Variants in LYPD8 observed in about 807,000 individuals in gnomAD.
LYPD8 encodes ly6/PLAUR domain-containing protein 8.
Under a neutral mutation model 1.7 loss-of-function variants are expected in LYPD8, and 8 were observed. That is an observed-to-expected ratio of 4.58 (90% confidence interval 2.69 to 8.27). The LOEUF is 8.27. LYPD8 is among the 30% of genes most tolerant of loss of function. The pLI is 0.00. For synonymous variants in LYPD8, 50 were observed against 43.6 expected (o/e 1.15, Z -0.58); for missense variants, 112 against 102.3 (o/e 1.09, Z -0.41).
At chr1:248,742,822 T>C (rs1419098708) in intron 6 of LYPD8, among the ~76,000 whole-genome samples, 5 of 93,694 alleles carry the variant, frequency 5.3e-5, no homozygotes, top group South Asian at 4.4e-4. Context: ...AGGGAGATTA[T>C]GCTCTGGTGG....
chr1:248,742,672 G>A (rs1199280211), intron 6 of LYPD8, among the ~76,000 whole-genome samples: 2 of 82,936 alleles, frequency 2.4e-5, no homozygotes, highest in African/African-American at 5.3e-5. Context: ...GTTGGCAGCC[G>A]GGGAGATTAC....
At chr1:248,749,099 A>G (rs1662756070) in intron 4 of LYPD8, among the ~76,000 whole-genome samples, 1 of 152,210 alleles carries the variant, frequency 6.6e-6, no homozygotes, top group African/African-American at 2.4e-5. Flanking sequence ...CAGGAGAGCA[A>G]GTTATATGAA....
rs961591140 is a variant in LYPD8, at chr1:248,745,243, C to T, written c.374G>A (p.Cys125Tyr). Reference sequence around the variant, plus strand: ...TCCATTAGATTCATAACAAGCAGGGCACTCTGCGTTGCTGGACACGTTCTT... The same window carrying T: ...TCCATTAGATTCATAACAAGCAGGGTACTCTGCGTTGCTGGACACGTTCTT... ...PLKNVSSNAE[C>Y]PACYESNGTS... Residue 125 changes from cysteine to tyrosine, a missense_variant, in exon 6 of 7, where the codon TGC becomes TAC. Transcript: ENST00000590317. 1 of 398,612 alleles carries T rather than the reference C, an allele frequency of 2.5e-6. No individual in the cohort carries two copies. The highest frequency in any genetic ancestry group is 4.4e-6 in the Non-Finnish European group (1 of 226,072). The allele number at this position is 398,612 out of a possible 1,614,324, so 24.7% of individuals were successfully genotyped here.
intron 6 of LYPD8, 31 bp downstream of exon 6, chr1:248,745,111 C>T (rs999467170): frequency 6.3e-5 from 25 of 398,364 alleles, no homozygotes; most frequent in African/African-American, 4.3e-4. Flanking sequence ...CAGCCCAAGT[C>T]CCATAGAGGA....
chr1:248,741,042 G>C (rs1662586901), intron 6 of LYPD8, among the ~76,000 whole-genome samples: 1 of 152,234 alleles, frequency 6.6e-6, no homozygotes, highest in African/African-American at 2.4e-5. Flanking sequence ...TGAGCCAGGA[G>C]TTCGAGGCAG....
rs1301753942 is a variant in LYPD8, at chr1:248,755,331, A to T, written c.-142T>A. The T allele has an allele frequency of 6.6e-6, 1 of 152,216 alleles. No homozygotes were observed. Among genetic ancestry groups the T allele is most frequent in the African/African-American group, 2.4e-5 (1 of 41,442 alleles). The allele number at this position is 152,216 out of a possible 1,614,324, so 9.4% of individuals were successfully genotyped here. A position where few individuals can be genotyped will look rare whatever the true frequency, so the allele number is the denominator to read the frequency against. On this transcript the variant is annotated 5_prime_UTR_variant, in exon 2 of 7. Transcript: ENST00000590317. ...TGCGGAATCTTTTCGACAGCCTGGC[A>T]GGGTCCTGCTATAATTGCTGTCATC...
At chr1:248,749,878 T>C (rs1450426823) in intron 4 of LYPD8, among the ~76,000 whole-genome samples, 1 of 152,000 alleles carries the variant, frequency 6.6e-6, no homozygotes, top group Non-Finnish European at 1.5e-5. Context: ...CATGTATATT[T>C]ATATAATGTT....
chr1:248,749,474 T>G (rs1662761737), intron 4 of LYPD8, among the ~76,000 whole-genome samples: 1 of 152,214 alleles, frequency 6.6e-6, no homozygotes, highest in African/African-American at 2.4e-5. Flanking sequence ...ATTTATTATT[T>G]ACAGTACTAG....
chr1:248,752,829 ACAC>A (rs2103172764), intron 2 of LYPD8, among the ~76,000 whole-genome samples: 1 of 94,982 alleles, frequency 1.1e-5, no homozygotes, highest in Non-Finnish European at 2.0e-5. Flanking sequence ...CACATCACAC[ACAC>A]CACACCCCAC....
chr1:248,739,531 A>T lies in LYPD8; in HGVS notation c.*80T>A. On this transcript the variant is annotated 3_prime_UTR_variant, in exon 7 of 7. Transcript: ENST00000590317. The surrounding 1 kb of genome is among the most constrained non-coding windows in gnomAD (Gnocchi z 4.3). Reference sequence around the variant, plus strand: ...GTTAAACGGGGCAGAGCAGGGAAAGAGGGTGTCAGCACCGCAGGGGGTGCT... The same window carrying T: ...GTTAAACGGGGCAGAGCAGGGAAAGTGGGTGTCAGCACCGCAGGGGGTGCT... 1.3e-6 allele frequency: 2 copies of T among 1,535,762 alleles called. No homozygotes were observed. Among genetic ancestry groups the T allele is most frequent in the Non-Finnish European group, 1.8e-6 (2 of 1,138,170 alleles).
At chr1:248,753,214 ACACC>A (rs1662854581) in intron 2 of LYPD8, among the ~76,000 whole-genome samples, 1 of 100,012 alleles carries the variant, frequency 1.0e-5, no homozygotes. Flanking sequence ...CACAACACAC[ACACC>A]ACACCACACA....
In LYPD8 at chr1:248,739,668, T is replaced by C; in HGVS notation, c.657A>G (p.Lys219=). The C allele has an allele frequency of 6.4e-7, 1 of 1,551,592 alleles. No homozygotes were observed. Among genetic ancestry groups the C allele is most frequent in the African/African-American group, 1.4e-5 (1 of 73,122 alleles). Residue 219 remains lysine, a synonymous_variant, in exon 7 of 7, where the codon AAA becomes AAG. Transcript: ENST00000590317. This position sits in a 1 kb window ranked among gnomAD's most constrained non-coding sequence, Gnocchi z 4.3. ...APTTSHNVGS[K]ASLYLLALAS... is the part of the protein sequence containing the mutation. The stretch of plus-strand genomic sequence containing the variant: ...CAAGGGCCAAGAGGTAGAGGGAAGC[T>C]TTGGAGCCCACGTTGTGGGAAGTGG...
rs1206900570 is a variant in LYPD8 at position 248,753,678 on chromosome 1, ACAC to A, written c.-50+1558_-50+1560del. ...ACACCACACACCCCACGCAACACAC[ACAC>A]CACATCACACACACACCACACACCC... On this transcript the variant is annotated intron_variant, in intron 2 of 6. Transcript: ENST00000590317. Among the ~76,000 whole-genome samples the A allele has an allele frequency of 1.8e-3, 242 of 138,038 alleles. 2 individuals carry two copies. The highest frequency in any genetic ancestry group is 2.3e-3 in the Non-Finnish European group (150 of 64,212). 90.6% of individuals were successfully genotyped at this position (138,038 alleles called of 152,430 possible).
chr1:248,752,360 G>T (rs1191225440), intron 2 of LYPD8, among the ~76,000 whole-genome samples: 1 of 151,892 alleles, frequency 6.6e-6, no homozygotes, highest in Non-Finnish European at 1.5e-5. Context: ...GGCTCCTAAG[G>T]CCAAAGCCAG....
In LYPD8 at chr1:248,739,595, G is replaced by T; in HGVS notation, c.*16C>A. 6.4e-7 allele frequency: 1 copy of T among 1,550,826 alleles called. No homozygotes were observed. Among genetic ancestry groups the T allele is most frequent in the Non-Finnish European group, 8.7e-7 (1 of 1,146,992 alleles). ...AAGCAGAAATGGGGTGCTGGGCAAA[G>T]TGCAGCCCCAGGACCTCAGGGCAGC... On this transcript the variant is annotated 3_prime_UTR_variant, in exon 7 of 7. Transcript: ENST00000590317. The surrounding 1 kb of genome is among the most constrained non-coding windows in gnomAD (Gnocchi z 4.3).
At chr1:248,754,804 G>A (rs997303595) in intron 2 of LYPD8, among the ~76,000 whole-genome samples, 73 of 152,250 alleles carry the variant, frequency 4.8e-4, no homozygotes, top group African/African-American at 1.1e-3. Context: ...TGTAGCAGAC[G>A]TGCGCCAGCC....
chr1:248,752,444 G>C (rs954463017), intron 2 of LYPD8, among the ~76,000 whole-genome samples: 14,346 of 151,114 alleles, frequency 0.095, 923 homozygotes, highest in East Asian at 0.26. Flanking sequence ...AAACACAATC[G>C]CCTTCATCTG....
chr1:248,748,714 G>C (rs1454613086), intron 4 of LYPD8, among the ~76,000 whole-genome samples: 2 of 152,184 alleles, frequency 1.3e-5, no homozygotes, highest in Non-Finnish European at 2.9e-5. Context: ...GAAAATGGTT[G>C]GTCCAAGTGG....
At chr1:248,744,648 C>T (rs1314376017) in intron 6 of LYPD8, among the ~76,000 whole-genome samples, 5 of 152,008 alleles carry the variant, frequency 3.3e-5, no homozygotes, top group South Asian at 2.1e-4. Flanking sequence ...GTGTATTTTA[C>T]GATAGTTAGT....
Sources: gnomAD v4.1 joint callset for allele counts (sites outside exome capture counted in the v4.1 genomes callset) on GRCh38, gnomAD v4.1.1 for gene constraint, Gnocchi (gnomAD v3.1) non-coding constraint, MANE v1.5 for transcripts, NCBI Gene and HGNC (gene_info 2026-07-23, HGNC 2026-07-21) for gene names.